Variants in APBB1IP observed in about 807,000 individuals in gnomAD.
APBB1IP encodes amyloid beta precursor protein binding family B member 1 interacting protein.
APBB1IP carries 27 observed loss-of-function variants against 64.9 expected under a neutral mutation model. That is an observed-to-expected ratio of 0.42 (90% CI 0.31 to 0.57). The LOEUF (loss-of-function observed/expected upper bound fraction) is 0.57, where lower values mean the gene tolerates loss of function less well. Among genes scored for constraint, APBB1IP ranks in the 20% least tolerant of loss-of-function variants. APBB1IP has a pLI of 0.20. For synonymous variants in APBB1IP, 392 were observed against 331.0 expected, an observed-to-expected ratio of 1.18 and a Z score of -2.00; for missense variants, 812 against 845.5, an observed-to-expected ratio of 0.96 and a Z score of 0.49.
chr10:26,528,277 T>C (rs903347476), intron 8 of APBB1IP, among the ~76,000 whole-genome samples: 4 of 152,172 alleles, frequency 2.6e-5, no homozygotes, highest in Non-Finnish European at 1.5e-5. Context: ...TGATCTTCAC[T>C]CAGTGAACTG....
chr10:26,519,428 A>G (rs943093668), intron 8 of APBB1IP, among the ~76,000 whole-genome samples: 4 of 152,162 alleles, frequency 2.6e-5, no homozygotes, highest in Non-Finnish European at 5.9e-5. Context: ...GAGAGTGAGC[A>G]CCTTACATGG....
chr10:26,453,549 C>G (rs144585798), intron 2 of APBB1IP, among the ~76,000 whole-genome samples: 3 of 152,064 alleles, frequency 2.0e-5, no homozygotes, highest in Non-Finnish European at 4.4e-5. Context: ...TCTCTGATGA[C>G]GTGGACTTGC....
intron 8 of APBB1IP, among the ~76,000 whole-genome samples, chr10:26,524,974 T>TA (rs1554778196): frequency 0.016 from 2,000 of 126,718 alleles, 71 homozygotes; most frequent in African/African-American, 0.051. Context: ...TTTTTTTTTT[T>TA]ATAAAAAAAG....
intron 3 of APBB1IP, 34 bp from the exon 4 acceptor site, chr10:26,496,270 T>C (rs767353585): frequency 6.7e-7 from 1 of 1,497,298 alleles, no homozygotes; most frequent in South Asian, 1.1e-5. Context: ...GTTTGTATCA[T>C]GAATAACTTT....
chr10:26,516,309 T>C (rs974267262), intron 8 of APBB1IP, among the ~76,000 whole-genome samples: 4 of 151,736 alleles, frequency 2.6e-5, no homozygotes, highest in Admixed American at 2.6e-4. Context: ...AATCCAGCAC[T>C]TTGGGAGGCT....
chr10:26,440,761 A>G lies in APBB1IP; in HGVS notation c.-1+1908A>G, dbSNP rs544632941. ...ATCCACTATTGATTTGCCTTTTTTC[A>G]CTCATCAATCAAAGTTTTAAATAGT... On this transcript the variant is annotated intron_variant, in intron 2 of 14. Transcript: ENST00000376236. 2.1e-4 allele frequency among the ~76,000 whole-genome samples: 32 copies of G among 152,148 alleles called. No individual in the cohort carries two copies. The South Asian group carries it at 6.4e-3, about 31-fold the overall frequency.
chr10:26,472,856 G>A (rs1176847650), intron 2 of APBB1IP, among the ~76,000 whole-genome samples: 1 of 151,998 alleles, frequency 6.6e-6, no homozygotes, highest in Non-Finnish European at 1.5e-5. Context: ...AGAATCACTT[G>A]AACCCGGGAG....
chr10:26,468,603 T>C (rs1299793495), intron 2 of APBB1IP, among the ~76,000 whole-genome samples: 4 of 151,944 alleles, frequency 2.6e-5, no homozygotes, highest in Non-Finnish European at 4.4e-5. Flanking sequence ...GAAACATTAT[T>C]ATTAGGTTGG....
chr10:26,497,804 G>T (rs1354280083), intron 4 of APBB1IP, among the ~76,000 whole-genome samples: 1 of 135,572 alleles, frequency 7.4e-6, no homozygotes, highest in Non-Finnish European at 1.5e-5. Context: ...TCTGCTCACT[G>T]CAACCTCTGC....
intron 2 of APBB1IP, among the ~76,000 whole-genome samples, chr10:26,452,708 G>A (rs1835478372): frequency 6.6e-6 from 1 of 152,144 alleles, no homozygotes; most frequent in Non-Finnish European, 1.5e-5. Context: ...GGGTACAAGT[G>A]TAGATTTCTT....
At position 26,510,013 on chromosome 10, in the gene APBB1IP, A is replaced by G. The variant is rs201018708; in HGVS notation, c.532-1734A>G. ...GAGACAGAGTCTCGCTCCACCCCCC[A>G]TGCTGGAGTGCAGTGCTGCAATCTC... On this transcript the variant is annotated intron_variant, in intron 6 of 14. Coordinates refer to ENST00000376236, the MANE Select transcript of APBB1IP (RefSeq NM_019043.4). Among the ~76,000 whole-genome samples, 45 of 152,168 alleles carry G rather than the reference A, an allele frequency of 3.0e-4. No individual in the cohort carries two copies. In the East Asian group the frequency reaches 7.7e-3, roughly 26 times the overall value.
chr10:26,567,521 G>A lies in APBB1IP; in HGVS notation c.*33G>A, dbSNP rs757306043. ...CATGATGAGTGTTCCAGAGGGAGAA[G>A]CATCGCTGACCCCGAGCGCAGGTTT... On this transcript the variant is annotated 3_prime_UTR_variant, in exon 15 of 15. Coordinates refer to ENST00000376236, the MANE Select transcript of APBB1IP (RefSeq NM_019043.4). 5.2e-6 allele frequency: 8 copies of A among 1,529,608 alleles called. No homozygotes were observed. The South Asian group carries it at 5.6e-5, about 11-fold the overall frequency. The allele number at this position is 1,529,608 out of a possible 1,614,324, so 94.8% of individuals were successfully genotyped here. A position where few individuals can be genotyped will look rare whatever the true frequency, so the allele number is the denominator to read the frequency against.
chr10:26,480,620 CTTTTTTTTTTTTTTTT>C (rs535190399), intron 2 of APBB1IP, among the ~76,000 whole-genome samples: 3 of 83,940 alleles, frequency 3.6e-5, no homozygotes, highest in Non-Finnish European at 6.9e-5. Context: ...TGAGCTGCTT[CTTTTTTTTTTTTTTTT>C]TTTTTTTTTT....
chr10:26,511,367 A>T (rs1293324482), intron 6 of APBB1IP, among the ~76,000 whole-genome samples: 1 of 152,158 alleles, frequency 6.6e-6, no homozygotes, highest in East Asian at 1.9e-4. Flanking sequence ...TAATAAAGAT[A>T]CAGACATAGC....
chr10:26,543,595 T>C (rs1369952967), intron 11 of APBB1IP, among the ~76,000 whole-genome samples: 1 of 151,978 alleles, frequency 6.6e-6, no homozygotes, highest in Non-Finnish European at 1.5e-5. Context: ...GTGGTGGGAA[T>C]GCGGCAATTA....
At chr10:26,456,737 TA>T (rs9299824) in intron 2 of APBB1IP, among the ~76,000 whole-genome samples, 39,315 of 89,410 alleles carry the variant, frequency 0.44, 7,294 homozygotes, top group East Asian at 0.58. Flanking sequence ...AGAACCTGTC[TA>T]AAAAAAAAAA....
At chr10:26,525,238 T>C (rs1450873168) in intron 8 of APBB1IP, among the ~76,000 whole-genome samples, 2 of 151,958 alleles carry the variant, frequency 1.3e-5, no homozygotes, top group East Asian at 1.9e-4. Flanking sequence ...GCCGTGATCA[T>C]GCCATTGCAC....
At chr10:26,491,453 C>A (rs546507523) in intron 2 of APBB1IP, among the ~76,000 whole-genome samples, 1 of 152,132 alleles carries the variant, frequency 6.6e-6, no homozygotes, top group African/African-American at 2.4e-5. Context: ...CTTAGCCTTG[C>A]CAAAAATGTC....
At chr10:26,550,183 G>A (rs975269897) in intron 11 of APBB1IP, among the ~76,000 whole-genome samples, 5 of 151,514 alleles carry the variant, frequency 3.3e-5, no homozygotes, top group East Asian at 1.9e-4. Flanking sequence ...CAGGTGCATC[G>A]CTTTGTCTTT....
Sources: gnomAD v4.1 joint callset for allele counts (sites outside exome capture counted in the v4.1 genomes callset) on GRCh38, gnomAD v4.1.1 for gene constraint, MANE v1.5 for transcripts, NCBI Gene and HGNC (gene_info 2026-07-23, HGNC 2026-07-21) for gene names.